The following TRAF5 variants were observed in gnomAD, a reference collection of about 807,000 sequenced individuals.
The protein encoded by TRAF5 is TNF receptor-associated factor 5.
A neutral mutation model predicts 64.5 loss-of-function variants in TRAF5; 48 were observed. The observed-to-expected ratio is 0.74, with a 90% CI of 0.59 to 0.95. The LOEUF is 0.95. Among genes scored for constraint, TRAF5 ranks in the 40% least tolerant of loss-of-function variants. The pLI, the probability that TRAF5 is intolerant of heterozygous loss-of-function variation, is 0.00. For missense variants in TRAF5, 545 were observed against 662.8 expected, an observed-to-expected ratio of 0.82 and a Z score of 1.95; for synonymous variants, 206 against 240.5, an observed-to-expected ratio of 0.86 and a Z score of 1.33.
chr1:211,356,276 G>A, intron 3 of TRAF5, 91 bp from the exon 4 acceptor site: 1 of 995,808 alleles, frequency 1.0e-6, no homozygotes, highest in Admixed American at 2.1e-5. Flanking sequence ...CCTGCCTTCT[G>A]AGATACACTC....
chr1:211,336,938 C>T lies in TRAF5; in HGVS notation c.-2+10049C>T, dbSNP rs141379632. 5.2e-3 allele frequency among the ~76,000 whole-genome samples: 787 copies of T among 152,054 alleles called. 4 individuals carry two copies. The highest frequency in any genetic ancestry group is 8.1e-3 in the Non-Finnish European group (551 of 67,958). On this transcript the variant is annotated intron_variant, in intron 1 of 10. Coordinates refer to ENST00000261464, the MANE Select transcript of TRAF5 (RefSeq NM_001033910.3). ...CCTTCCAAAGTGCCGGGATTAAAGG[C>T]GTGAGCCGCTGCACCTGGCCAGACC...
At chr1:211,329,374 T>C (rs1426921197) in intron 1 of TRAF5, among the ~76,000 whole-genome samples, 1 of 152,082 alleles carries the variant, frequency 6.6e-6, no homozygotes, top group Admixed American at 6.5e-5. Flanking sequence ...ATCCAGAAAT[T>C]AGAATAACAC....
chr1:211,326,652 GAT>G, upstream of TRAF5: 8 of 982,182 alleles, frequency 8.1e-6, no homozygotes, highest in Non-Finnish European at 9.7e-6. This position sits in a 1 kb window ranked among gnomAD's most constrained non-coding sequence, Gnocchi z 5.0. Flanking sequence ...TGGACTTGTA[GAT>G]ACTAACGGTT....
At chr1:211,337,039 C>G (rs748705720) in intron 1 of TRAF5, among the ~76,000 whole-genome samples, 5 of 152,256 alleles carry the variant, frequency 3.3e-5, no homozygotes, top group Non-Finnish European at 7.3e-5. Flanking sequence ...GCCACGTGCA[C>G]TGTTTTATGT....
rs976246422 is a variant in TRAF5, at chr1:211,373,457, TA to T, written c.*761del. On this transcript the variant is annotated 3_prime_UTR_variant, in exon 11 of 11. Coordinates refer to ENST00000261464, the MANE Select transcript of TRAF5 (RefSeq NM_001033910.3). ...AACTATTTTCATAGGTCAAAAATGG[TA>T]AAAAATTAGCAGTTTCATAAGATTC... is the stretch of plus-strand genomic sequence containing the variant. 6.6e-6 allele frequency: 1 copy of T among 152,142 alleles called. No individual in the cohort carries two copies. Among genetic ancestry groups the T allele is most frequent in the Non-Finnish European group, 1.5e-5 (1 of 68,022 alleles). The allele number at this position is 152,142 out of a possible 1,614,324, so 9.4% of individuals were successfully genotyped here. A position where few individuals can be genotyped will look rare whatever the true frequency, so the allele number is the denominator to read the frequency against.
chr1:211,354,703 A>C (rs1409704373), intron 3 of TRAF5, among the ~76,000 whole-genome samples: 1 of 152,052 alleles, frequency 6.6e-6, no homozygotes, highest in Non-Finnish European at 1.5e-5. Context: ...CTTCTTCCTC[A>C]TCCCCTTCCT....
At chr1:211,335,182 G>A (rs1053548688) in intron 1 of TRAF5, among the ~76,000 whole-genome samples, 2 of 152,156 alleles carry the variant, frequency 1.3e-5, no homozygotes, top group African/African-American at 4.8e-5. Flanking sequence ...GTGACATGGT[G>A]GCTTTGACAG....
At chr1:211,358,142 T>A (rs1309184453) in intron 4 of TRAF5, 2 of 152,168 alleles carry the variant, frequency 1.3e-5, no homozygotes, top group East Asian at 3.9e-4. Flanking sequence ...ATAACTGCAG[T>A]GATTCAAAGG....
At chr1:211,339,934 C>G (rs1273991545) in intron 1 of TRAF5, among the ~76,000 whole-genome samples, 1 of 152,224 alleles carries the variant, frequency 6.6e-6, no homozygotes, top group Non-Finnish European at 1.5e-5. Context: ...GAAATATAAA[C>G]TTACACAAAG....
chr1:211,337,732 G>A (rs1035829934), intron 1 of TRAF5, among the ~76,000 whole-genome samples: 1 of 152,190 alleles, frequency 6.6e-6, no homozygotes, highest in African/African-American at 2.4e-5. Context: ...GGGCTTTGGT[G>A]TTGTGAGATG....
At chr1:211,368,457 G>A (rs1703422843) in intron 8 of TRAF5, among the ~76,000 whole-genome samples, 1 of 152,198 alleles carries the variant, frequency 6.6e-6, no homozygotes, top group Non-Finnish European at 1.5e-5. Flanking sequence ...AGTGGACTGT[G>A]AGGTTCATGG....
chr1:211,357,050 C>G (rs1359516744), intron 4 of TRAF5: 1 of 152,164 alleles, frequency 6.6e-6, no homozygotes, highest in Non-Finnish European at 1.5e-5. Flanking sequence ...GGAATTGATG[C>G]CTTTCAAATG....
intron 1 of TRAF5, among the ~76,000 whole-genome samples, chr1:211,328,608 G>A (rs1702079824): frequency 6.6e-6 from 1 of 152,180 alleles, no homozygotes; most frequent in African/African-American, 2.4e-5. Flanking sequence ...TAGGGACTGG[G>A]ATGTTTCAGT....
chr1:211,332,164 T>C (rs1396493124), intron 1 of TRAF5, among the ~76,000 whole-genome samples: 1 of 152,146 alleles, frequency 6.6e-6, no homozygotes, highest in East Asian at 1.9e-4. Flanking sequence ...GGCAGGAGTC[T>C]AGTTTTCAGG....
intron 1 of TRAF5, among the ~76,000 whole-genome samples, chr1:211,329,567 A>AT (rs908269634): frequency 3.9e-5 from 6 of 152,260 alleles, no homozygotes; most frequent in Admixed American, 3.9e-4. Flanking sequence ...TCTTTCTCCA[A>AT]TTCCTGTGTT....
At chr1:211,342,102 G>A (rs1702463275) in intron 1 of TRAF5, among the ~76,000 whole-genome samples, 1 of 152,164 alleles carries the variant, frequency 6.6e-6, no homozygotes, top group Non-Finnish European at 1.5e-5. Flanking sequence ...GGGCCATATG[G>A]TCTGTGGGGC....
intron 4 of TRAF5, chr1:211,357,842 A>G (rs1206524400): frequency 6.6e-6 from 1 of 152,162 alleles, no homozygotes; most frequent in Non-Finnish European, 1.5e-5. Context: ...AGAGTCAAAC[A>G]ATAATAATAA....
chr1:211,372,098 ATC>A (rs1236867849), intron 10 of TRAF5, 28 bp from the exon 11 acceptor site: 10 of 1,314,616 alleles, frequency 7.6e-6, no homozygotes, highest in Non-Finnish European at 1.0e-5. Flanking sequence ...GGCCTATGGA[ATC>A]TTTTTTTTTT....
In TRAF5 at chr1:211,359,925, A is replaced by C; in HGVS notation, c.392A>C (p.Gln131Pro). The part of the protein sequence containing the change: ...ILGRYQDHLQ[Q>P]CLFQPVQCSN... ...TATCTGTTGCAGGATCACCTTCAGC[A>C]GTGCTTATTTCAACCTGTGCAGTGT... The change falls in exon 5 of 11, where the codon CAG becomes CCG. Residue 131 changes from glutamine to proline, a missense_variant. Coordinates refer to ENST00000261464, the MANE Select transcript of TRAF5 (RefSeq NM_001033910.3). 1 of 1,613,996 alleles carries C rather than the reference A, an allele frequency of 6.2e-7. No individual in the cohort carries two copies. Among genetic ancestry groups the C allele is most frequent in the Non-Finnish European group, 8.5e-7 (1 of 1,179,868 alleles).
Sources: allele counts gnomAD v4.1 joint callset (sites outside exome capture counted in the v4.1 genomes callset), GRCh38; gene constraint gnomAD v4.1.1; non-coding constraint Gnocchi (gnomAD v3.1); transcripts MANE v1.5; gene names NCBI Gene and HGNC (gene_info 2026-07-23, HGNC 2026-07-21).